The following STAC variants were observed in gnomAD, a reference collection of about 807,000 sequenced individuals.
The protein encoded by STAC is SH3 and cysteine-rich domain-containing protein.
STAC carries 43 observed loss-of-function variants against 48.8 expected under a neutral mutation model. That is an observed-to-expected ratio of 0.88 (90% confidence interval 0.69 to 1.14). STAC has a LOEUF of 1.14. STAC is among the 50% of genes most tolerant of loss of function. The probability of loss-of-function intolerance (pLI) is 0.00; values close to 1 mark genes in which losing one functional copy is unlikely to be tolerated. For missense variants in STAC, 497 were observed against 504.0 expected (o/e 0.99, Z 0.13); for synonymous variants, 193 against 179.5 (o/e 1.07, Z -0.60).
intron 2 of STAC, among the ~76,000 whole-genome samples, chr3:36,474,224 G>A (rs1456078): frequency 0.7 from 106,621 of 151,950 alleles, 37,977 homozygotes; most frequent in Non-Finnish European, 0.77. Context: ...CATCACAAAT[G>A]TGATGAGAAT....
intron 1 of STAC, among the ~76,000 whole-genome samples, chr3:36,398,408 G>GAAAGAA: frequency 2.9e-5 from 4 of 139,808 alleles, no homozygotes; most frequent in Non-Finnish European, 4.6e-5. Flanking sequence ...TAAAGAGAAA[G>GAAAGAA]AGAGAGGGAA....
intron 2 of STAC, among the ~76,000 whole-genome samples, chr3:36,461,306 A>G (rs903199210): frequency 2.0e-5 from 3 of 152,242 alleles, no homozygotes; most frequent in African/African-American, 7.2e-5. Flanking sequence ...AGTATTATTA[A>G]TATCAGACAC....
intron 2 of STAC, among the ~76,000 whole-genome samples, chr3:36,459,026 C>T (rs552606561): frequency 3.3e-5 from 5 of 152,158 alleles, no homozygotes; most frequent in South Asian, 4.2e-4. Flanking sequence ...ATCTCCCTGA[C>T]AAAATTCTCT....
intron 10 of STAC, among the ~76,000 whole-genome samples, chr3:36,543,736 T>G (rs1699381381): frequency 6.6e-6 from 1 of 152,150 alleles, no homozygotes; most frequent in Non-Finnish European, 1.5e-5. Flanking sequence ...AGACATTTTT[T>G]GGGTCAGTCC....
intron 10 of STAC, among the ~76,000 whole-genome samples, chr3:36,542,052 G>A (rs1484563958): frequency 4.0e-5 from 6 of 151,814 alleles, no homozygotes; most frequent in Non-Finnish European, 8.8e-5. Context: ...AGATAAAGAT[G>A]GGAAGGGAAA....
At chr3:36,450,990 G>T (rs1410900739) in intron 2 of STAC, among the ~76,000 whole-genome samples, 1 of 152,058 alleles carries the variant, frequency 6.6e-6, no homozygotes, top group East Asian at 1.9e-4. Context: ...AACAGAATTT[G>T]TTTTTAGATT....
Position 36,443,724 on chromosome 3 carries a change from C to A in STAC, c.388+84C>A. ...GGTGTGCCACGGGTCCAGGTACCTA[C>A]GGACAGATGCTAGGCCTCAGAGATT... On this transcript the variant is annotated intron_variant, in intron 2 of 10. Transcript: ENST00000273183. The surrounding 1 kb of genome is among the most constrained non-coding windows in gnomAD (Gnocchi z 4.2). 6.6e-7 allele frequency: 1 copy of A among 1,514,430 alleles called. No homozygotes were observed. Among genetic ancestry groups the A allele is most frequent in the Non-Finnish European group, 9.0e-7 (1 of 1,116,758 alleles). The allele number at this position is 1,514,430 out of a possible 1,614,324, so 93.8% of individuals were successfully genotyped here. A position where few individuals can be genotyped will look rare whatever the true frequency, so the allele number is the denominator to read the frequency against.
chr3:36,516,223 C>T (rs1023004683), intron 8 of STAC, among the ~76,000 whole-genome samples: 30 of 151,930 alleles, frequency 2.0e-4, no homozygotes, highest in African/African-American at 7.0e-4. Flanking sequence ...ACCTCGTGAT[C>T]CTCCCGTCTC....
intron 1 of STAC, among the ~76,000 whole-genome samples, chr3:36,441,893 T>C (rs1696360165): frequency 1.3e-5 from 2 of 152,224 alleles, no homozygotes. Context: ...TTTTGAGAAA[T>C]GTCTGTTCAG....
intron 8 of STAC, among the ~76,000 whole-genome samples, chr3:36,511,461 G>A (rs1559519842): frequency 6.6e-6 from 1 of 152,148 alleles, no homozygotes; most frequent in Non-Finnish European, 1.5e-5. Flanking sequence ...TCTCATGACA[G>A]GGGTCTCTGT....
At chr3:36,498,265 T>G (rs1208838200) in intron 6 of STAC, among the ~76,000 whole-genome samples, 1 of 152,172 alleles carries the variant, frequency 6.6e-6, no homozygotes, top group Non-Finnish European at 1.5e-5. Context: ...GAGAATTTTT[T>G]TTAAGTAGAA....
At chr3:36,440,261 T>C (rs903559944) in intron 1 of STAC, among the ~76,000 whole-genome samples, 41 of 152,268 alleles carry the variant, frequency 2.7e-4, no homozygotes, top group Admixed American at 5.2e-4. Flanking sequence ...GAGAACAGCA[T>C]TGTACCAGTT....
chr3:36,494,044 C>G (rs942940649), intron 6 of STAC, among the ~76,000 whole-genome samples: 1 of 147,544 alleles, frequency 6.8e-6, no homozygotes, highest in Non-Finnish European at 1.5e-5. Context: ...CCCAGCTACT[C>G]GGGAGGCTGA....
chr3:36,488,557 G>A (rs77216282), intron 5 of STAC, among the ~76,000 whole-genome samples: 2,591 of 152,120 alleles, frequency 0.017, 21 homozygotes, highest in Non-Finnish European at 0.021. Context: ...TTCAAGCACC[G>A]TCTCTACATT....
chr3:36,427,083 T>A (rs1220694874), intron 1 of STAC, among the ~76,000 whole-genome samples: 2 of 152,206 alleles, frequency 1.3e-5, no homozygotes, highest in Non-Finnish European at 1.5e-5. Context: ...GAAAATGAAC[T>A]GTGGTCTGTT....
chr3:36,422,061 C>G (rs1700462813), intron 1 of STAC, among the ~76,000 whole-genome samples: 1 of 152,018 alleles, frequency 6.6e-6, no homozygotes, highest in Non-Finnish European at 1.5e-5. Flanking sequence ...ATCCTGACTT[C>G]ATTTTATGTT....
chr3:36,499,189 T>C (rs1698224285), intron 6 of STAC, among the ~76,000 whole-genome samples: 1 of 152,148 alleles, frequency 6.6e-6, no homozygotes, highest in South Asian at 2.1e-4. Context: ...ATGACCTCAA[T>C]GGAAAGACGG....
At chr3:36,442,213 G>A (rs1383730230) in intron 1 of STAC, among the ~76,000 whole-genome samples, 2 of 152,184 alleles carry the variant, frequency 1.3e-5, no homozygotes, top group Non-Finnish European at 2.9e-5. Flanking sequence ...AGTTTATGGA[G>A]CAAAAGTGCT....
chr3:36,490,340 T>C (rs1697934729), intron 5 of STAC, among the ~76,000 whole-genome samples: 1 of 152,194 alleles, frequency 6.6e-6, no homozygotes, highest in Admixed American at 6.5e-5. Flanking sequence ...ACTCTCAGCT[T>C]GCAACCATCT....
Sources: gnomAD v4.1 joint callset for allele counts (sites outside exome capture counted in the v4.1 genomes callset) on GRCh38, gnomAD v4.1.1 for gene constraint, Gnocchi (gnomAD v3.1) non-coding constraint, MANE v1.5 for transcripts, NCBI Gene and HGNC (gene_info 2026-07-23, HGNC 2026-07-21) for gene names.